Variants in SOX5 observed in about 807,000 individuals in gnomAD.
The protein encoded by SOX5 is transcription factor SOX-5.
A neutral mutation model predicts 92.0 loss-of-function variants in SOX5; 9 were observed. The observed-to-expected ratio is 0.10, with a 90% CI of 0.06 to 0.17. SOX5 has a LOEUF of 0.17. SOX5 is among the 10% of genes least tolerant of loss of function. SOX5 has a pLI of 1.00. For synonymous variants in SOX5, 344 were observed against 336.3 expected (o/e 1.02, Z -0.25); for missense variants, 642 against 944.5 (o/e 0.68, Z 4.20).
chr12:23,772,609 T>G (rs1296434523), intron 3 of SOX5, among the ~76,000 whole-genome samples: 1 of 152,220 alleles, frequency 6.6e-6, no homozygotes, highest in Non-Finnish European at 1.5e-5. Context: ...ATATGTTTAT[T>G]TTTAATTCTT....
At chr12:23,890,423 G>T (rs180714407) in intron 2 of SOX5, among the ~76,000 whole-genome samples, 9 of 152,016 alleles carry the variant, frequency 5.9e-5, no homozygotes, top group Non-Finnish European at 1.0e-4. Context: ...TTAAAAAAAT[G>T]ACAACTGATT....
chr12:24,326,306 A>C (rs1358533067), intron 2 of SOX5, among the ~76,000 whole-genome samples: 1 of 152,098 alleles, frequency 6.6e-6, no homozygotes, highest in Non-Finnish European at 1.5e-5. Context: ...GATTAAGACA[A>C]ACAATCTAGG....
chr12:23,668,367 C>G (rs1364863939), intron 6 of SOX5, among the ~76,000 whole-genome samples: 4 of 152,138 alleles, frequency 2.6e-5, no homozygotes, highest in Non-Finnish European at 2.9e-5. Context: ...GTGTTCATAG[C>G]AACTTTATAG....
chr12:23,907,970 T>C (rs1397757336), intron 1 of SOX5, among the ~76,000 whole-genome samples: 1 of 152,174 alleles, frequency 6.6e-6, no homozygotes, highest in African/African-American at 2.4e-5. Flanking sequence ...TGACTTCTTA[T>C]CTGGGATTCT....
intron 1 of SOX5, among the ~76,000 whole-genome samples, chr12:24,503,039 T>C (rs1190483489): frequency 6.6e-6 from 1 of 152,172 alleles, no homozygotes; most frequent in East Asian, 1.9e-4. Context: ...CACTGTGGGA[T>C]TCTGGATGGG....
intron 4 of SOX5, among the ~76,000 whole-genome samples, chr12:23,983,225 C>G (rs1477165579): frequency 2.0e-5 from 3 of 151,838 alleles, no homozygotes; most frequent in Non-Finnish European, 4.4e-5. Flanking sequence ...GATATGAAGC[C>G]TTTGAACAGA....
intron 4 of SOX5, among the ~76,000 whole-genome samples, chr12:24,210,292 C>T (rs944623474): frequency 1.3e-5 from 2 of 152,162 alleles, no homozygotes; most frequent in African/African-American, 4.8e-5. Context: ...CACTGCACTT[C>T]TCCCATAGGT....
intron 4 of SOX5, among the ~76,000 whole-genome samples, chr12:23,956,781 G>A (rs770862127): frequency 2.0e-5 from 3 of 152,048 alleles, no homozygotes; most frequent in Non-Finnish European, 2.9e-5. Flanking sequence ...CACCTCCTGG[G>A]TTCAAGTGAT....
At chr12:24,317,247 G>A (rs1234732401) in intron 2 of SOX5, among the ~76,000 whole-genome samples, 1 of 152,182 alleles carries the variant, frequency 6.6e-6, no homozygotes, top group Admixed American at 6.5e-5. Context: ...AGAATGTCTT[G>A]CATTGGATGA....
intron 2 of SOX5, among the ~76,000 whole-genome samples, chr12:24,329,298 C>T (rs773916799): frequency 3.3e-5 from 5 of 152,008 alleles, no homozygotes; most frequent in Non-Finnish European, 7.4e-5. Flanking sequence ...GCTTGGGAGG[C>T]CTCAGGAAAC....
At chr12:24,320,091 G>T (rs1417081839) in intron 2 of SOX5, among the ~76,000 whole-genome samples, 3 of 152,272 alleles carry the variant, frequency 2.0e-5, no homozygotes, top group Admixed American at 2.0e-4. Context: ...CTACCACAGT[G>T]ATAAAACTCC....
chr12:24,496,642 A>G (rs1332349121), intron 1 of SOX5, among the ~76,000 whole-genome samples: 1 of 152,202 alleles, frequency 6.6e-6, no homozygotes, highest in Non-Finnish European at 1.5e-5. Context: ...AGAATTATTT[A>G]AGAGTTGGAA....
At chr12:23,825,091 G>A (rs936247799) in intron 3 of SOX5, among the ~76,000 whole-genome samples, 13 of 152,120 alleles carry the variant, frequency 8.5e-5, no homozygotes, top group African/African-American at 2.7e-4. Flanking sequence ...CCTTTCCAGG[G>A]GGAGTGAACG....
Position 23,786,980 on chromosome 12 carries a change from C to T in SOX5, c.482-31256G>A, listed in dbSNP as rs2095391925. Among the ~76,000 whole-genome samples, 2 of 144,882 alleles carry T rather than the reference C, an allele frequency of 1.4e-5. 1 individual carries two copies. The highest frequency in any genetic ancestry group is 4.5e-4 in the South Asian group (2 of 4,412). ...ACAGTTGGAGAACTATTGATATTAC[C>T]CACATAGTTGCTGTAAGCCAGAACA... On this transcript the variant is annotated intron_variant, in intron 3 of 14. Coordinates refer to ENST00000451604, the MANE Select transcript of SOX5 (RefSeq NM_006940.6).
At chr12:23,795,270 C>G (rs1442620091) in intron 3 of SOX5, among the ~76,000 whole-genome samples, 3 of 145,840 alleles carry the variant, frequency 2.1e-5, no homozygotes, top group Non-Finnish European at 4.5e-5. Flanking sequence ...TTACCATTGA[C>G]TTTTTTTTTT....
intron 4 of SOX5, among the ~76,000 whole-genome samples, chr12:23,985,315 C>A (rs1949964964): frequency 6.6e-6 from 1 of 151,886 alleles, no homozygotes; most frequent in Non-Finnish European, 1.5e-5. Context: ...GTGGTGCAAT[C>A]AAGGTTCACT....
At chr12:23,988,484 G>A (rs1950254204) in intron 4 of SOX5, among the ~76,000 whole-genome samples, 2 of 152,142 alleles carry the variant, frequency 1.3e-5, no homozygotes, top group South Asian at 4.1e-4. Flanking sequence ...CGCTTCTTTG[G>A]ATCATAAGAG....
At position 24,477,130 on chromosome 12, in the gene SOX5, C is replaced by CT. The variant is rs11324014; in HGVS notation, c.-251+85198dup. 5.0e-3 allele frequency among the ~76,000 whole-genome samples: 706 copies of CT among 142,098 alleles called. 3 individuals carry two copies. The highest frequency in any genetic ancestry group is 8.5e-3 in the Non-Finnish European group (553 of 64,944). The allele number at this position is 142,098 out of a possible 152,430, so 93.2% of individuals were successfully genotyped here. ...TATAAATTCTAAGACTGAGATTTAA[C>CT]TTTTTTTTTTTTTTTCCTGTTTAGA... On this transcript the variant is annotated intron_variant, in intron 1 of 4. Coordinates refer to the SOX5 transcript ENST00000446891.
At chr12:24,080,850 A>C (rs1390102386) in intron 4 of SOX5, among the ~76,000 whole-genome samples, 1 of 151,988 alleles carries the variant, frequency 6.6e-6, no homozygotes, top group Non-Finnish European at 1.5e-5. Context: ...TAGCTACTGT[A>C]TGATTTTAAT....
Sources: allele counts gnomAD v4.1 joint callset (sites outside exome capture counted in the v4.1 genomes callset), GRCh38; gene constraint gnomAD v4.1.1; transcripts MANE v1.5; gene names NCBI Gene and HGNC (gene_info 2026-07-23, HGNC 2026-07-21).